Variants in GANC observed in about 807,000 individuals in gnomAD.
GANC encodes the protein glucosidase alpha, neutral C.
Under a neutral mutation model 124.2 loss-of-function variants are expected in GANC, and 117 were observed. The observed-to-expected ratio is 0.94, with a 90% CI of 0.81 to 1.10. The LOEUF (loss-of-function observed/expected upper bound fraction) is 1.10. Ranked by LOEUF, GANC falls within the 50% of genes least tolerant of loss-of-function variation. GANC has a pLI of 0.00. For synonymous variants in GANC, 377 were observed against 376.8 expected, an observed-to-expected ratio of 1.00 and a Z score of -0.01; for missense variants, 1,140 against 1,095.0, an observed-to-expected ratio of 1.04 and a Z score of -0.58.
chr15:42,285,117 A>G (rs958606222), intron 3 of GANC, among the ~76,000 whole-genome samples: 2 of 152,244 alleles, frequency 1.3e-5, no homozygotes, highest in African/African-American at 4.8e-5. Context: ...AGGAATATCT[A>G]CAAATGTTTA....
chr15:42,346,723 A>T (rs1297045077), intron 20 of GANC, among the ~76,000 whole-genome samples: 2 of 152,174 alleles, frequency 1.3e-5, no homozygotes, highest in East Asian at 1.9e-4. Context: ...TAAGGCAAAA[A>T]ACAGGAGTTT....
intron 10 of GANC, among the ~76,000 whole-genome samples, chr15:42,320,706 C>T (rs979141252): frequency 1.3e-5 from 2 of 152,164 alleles, no homozygotes; most frequent in Non-Finnish European, 2.9e-5. Flanking sequence ...ACCCCGGCCT[C>T]CCAAAGTGCT....
At chr15:42,296,307 A>G (rs1198009853) in intron 5 of GANC, among the ~76,000 whole-genome samples, 1 of 152,174 alleles carries the variant, frequency 6.6e-6, no homozygotes, top group Non-Finnish European at 1.5e-5. Flanking sequence ...TTAGCATAGT[A>G]TATCTTACCT....
intron 6 of GANC, among the ~76,000 whole-genome samples, chr15:42,299,637 C>T (rs886806654): frequency 4.6e-5 from 7 of 152,070 alleles, no homozygotes; most frequent in African/African-American, 1.2e-4. Context: ...AAGAAGATCC[C>T]GTATAGCCAA....
At position 42,279,721 on chromosome 15, in the gene GANC, T is replaced by C. The variant is rs143411652; in HGVS notation, c.201+1131T>C. ...CCAATCTGACTTAACTGGTAATTCA[T>C]ATCACTGAAAGACAGTTAAGGCCAT... On this transcript the variant is annotated intron_variant, in intron 3 of 23. Coordinates refer to ENST00000318010, the MANE Select transcript of GANC (RefSeq NM_198141.3). Among the ~76,000 whole-genome samples the C allele has an allele frequency of 4.6e-5, 7 of 152,266 alleles. No homozygotes were observed. The East Asian group carries it at 1.4e-3, about 29-fold the overall frequency.
rs181928457 is a variant in GANC, at chr15:42,274,231, A to G, written c.-251A>G. 2.1e-6 allele frequency: 1 copy of G among 485,586 alleles called. No homozygotes were observed. Among genetic ancestry groups the G allele is most frequent in the Admixed American group, 3.5e-5 (1 of 28,434 alleles). The allele number at this position is 485,586 out of a possible 1,614,324, so 30.1% of individuals were successfully genotyped here. ...GGTTCCTAACAAAAGCACGTTCCTC[A>G]TCAGCCACCCATAATCAAGACAAAT... On this transcript the variant is annotated 5_prime_UTR_variant, in exon 1 of 24. Transcript: ENST00000318010.
At chr15:42,349,803 C>G in intron 22 of GANC, among the ~76,000 whole-genome samples, 1 of 151,868 alleles carries the variant, frequency 6.6e-6, no homozygotes, top group Non-Finnish European at 1.5e-5. Flanking sequence ...CATGCACCAA[C>G]ATACCCGGCT....
chr15:42,322,543 C>T (rs2052168748), intron 11 of GANC, among the ~76,000 whole-genome samples: 1 of 152,036 alleles, frequency 6.6e-6, no homozygotes, highest in African/African-American at 2.4e-5. Context: ...GTTTGAACCC[C>T]CTGCTGGCAC....
chr15:42,326,945 A>G (rs573494434), intron 12 of GANC, among the ~76,000 whole-genome samples: 241 of 152,356 alleles, frequency 1.6e-3, no homozygotes, highest in African/African-American at 5.7e-3. Flanking sequence ...TTAGAAATAA[A>G]GAGTCAGCAC....
intron 10 of GANC, chr15:42,313,638 C>CA (rs1307239555): frequency 1.8e-5 from 3 of 167,268 alleles, no homozygotes; most frequent in Non-Finnish European, 3.8e-5. Flanking sequence ...CAGACTGCTA[C>CA]AGCCACCTTC....
intron 10 of GANC, 125 bp from the exon 11 acceptor site, chr15:42,321,658 TTC>T: frequency 1.2e-6 from 1 of 806,956 alleles, no homozygotes; most frequent in Non-Finnish European, 2.0e-6. Context: ...GGACTGTGCT[TTC>T]TTCTCCTTGT....
In GANC at chr15:42,339,665, C is replaced by T; in HGVS notation, c.1844-4C>T. ...TGCCTCACTTGGCCTTCTTTTGCTTCCAGCTGACATAGGCGGGTTCATTGG... is the reference window on the plus strand; with the variant it reads ...TGCCTCACTTGGCCTTCTTTTGCTTTCAGCTGACATAGGCGGGTTCATTGG... On this transcript the variant is annotated splice_polypyrimidine_tract_variant and splice_region_variant and intron_variant, in intron 16 of 23. Coordinates refer to ENST00000318010, the MANE Select transcript of GANC (RefSeq NM_198141.3). 1 of 1,608,992 alleles carries T rather than the reference C, an allele frequency of 6.2e-7. No homozygotes were observed. Among genetic ancestry groups the T allele is most frequent in the Non-Finnish European group, 8.5e-7 (1 of 1,176,378 alleles).
intron 10 of GANC, among the ~76,000 whole-genome samples, chr15:42,318,695 TCA>T (rs2052130342): frequency 1.3e-5 from 2 of 152,322 alleles, no homozygotes; most frequent in South Asian, 4.1e-4. Flanking sequence ...CAAGCGATCA[TCA>T]CACCTCAGAA....
Position 42,274,347 on chromosome 15 carries a change from GGGGACTCCCTTCCCAGAAACTTGAC to G in GANC, c.-133_-109del. 1 of 851,974 alleles carries G rather than the reference GGGGACTCCCTTCCCAGAAACTTGAC, an allele frequency of 1.2e-6. No homozygotes were observed. Among genetic ancestry groups the G allele is most frequent in the Non-Finnish European group, 1.9e-6 (1 of 534,882 alleles). 52.8% of individuals were successfully genotyped at this position (851,974 alleles called of 1,614,324 possible). A position where few individuals can be genotyped will look rare whatever the true frequency, so the allele number is the denominator to read the frequency against. Reference sequence around the variant, plus strand: ...ATTTGTCACTCCATGAGAATCTGGAGGGGACTCCCTTCCCAGAAACTTGACGATGAAGTACTGGTTGTAATTTTAG... The same window carrying G: ...ATTTGTCACTCCATGAGAATCTGGAGGATGAAGTACTGGTTGTAATTTTAG... On this transcript the variant is annotated 5_prime_UTR_variant, in exon 1 of 24. It introduces an in-frame stop codon into an upstream open reading frame of the 5' UTR. Coordinates refer to ENST00000318010, the MANE Select transcript of GANC (RefSeq NM_198141.3).
At chr15:42,316,734 C>G (rs2052107645) in intron 10 of GANC, among the ~76,000 whole-genome samples, 1 of 152,128 alleles carries the variant, frequency 6.6e-6, no homozygotes, top group Non-Finnish European at 1.5e-5. Context: ...GCAGAGTGTT[C>G]CCTAACTCCT....
At chr15:42,327,713 T>G (rs1053912390) in intron 13 of GANC, among the ~76,000 whole-genome samples, 1 of 152,204 alleles carries the variant, frequency 6.6e-6, no homozygotes, top group Non-Finnish European at 1.5e-5. Flanking sequence ...GTTTATTATA[T>G]TTTCAAATTG....
At chr15:42,286,164 C>A (rs1038227331) in intron 3 of GANC, among the ~76,000 whole-genome samples, 1 of 152,172 alleles carries the variant, frequency 6.6e-6, no homozygotes, top group Admixed American at 6.5e-5. Flanking sequence ...CAAAGTCTTA[C>A]TAATTCCTGA....
chr15:42,327,427 T>C lies in GANC; in HGVS notation c.1485T>C (p.Ala495=), dbSNP rs1335320450. 1.2e-6 allele frequency: 2 copies of C among 1,613,276 alleles called. No individual in the cohort carries two copies. Among genetic ancestry groups the C allele is most frequent in the Admixed American group, 1.7e-5 (1 of 59,944 alleles). The change falls in exon 13 of 24, where the codon GCT becomes GCC. Residue 495 remains alanine (A), a synonymous_variant. Transcript: ENST00000318010. ...GAGAGTGGTATTCAAGTCTTTTTGC[T>C]TTCCCTGTTTATCAGGTTGGTTTTT... ...KVREWYSSLF[A]FPVYQGSTDI...
intron 6 of GANC, among the ~76,000 whole-genome samples, 176 bp from the exon 7 acceptor site, chr15:42,306,370 G>A (rs1465449925): frequency 2.6e-5 from 4 of 152,146 alleles, no homozygotes; most frequent in Admixed American, 2.6e-4. Context: ...TTACTGACAT[G>A]TATATAGAAC....
Sources: allele counts gnomAD v4.1 joint callset (sites outside exome capture counted in the v4.1 genomes callset), GRCh38; gene constraint gnomAD v4.1.1; transcripts MANE v1.5; gene names NCBI Gene and HGNC (gene_info 2026-07-23, HGNC 2026-07-21).